The following PDE9A variants were observed in gnomAD, a reference collection of about 807,000 sequenced individuals.
The protein encoded by PDE9A is phosphodiesterase 9A.
Under a neutral mutation model 87.4 loss-of-function variants are expected in PDE9A, and 60 were observed. That is an observed-to-expected ratio of 0.69 (90% CI 0.56 to 0.85). The LOEUF (loss-of-function observed/expected upper bound fraction) is 0.85. PDE9A is among the 40% of genes least tolerant of loss of function. The probability of loss-of-function intolerance (pLI) is 0.00; values close to 1 mark genes in which losing one functional copy is unlikely to be tolerated. For synonymous variants in PDE9A, 272 were observed against 279.4 expected (o/e 0.97, Z 0.27); for missense variants, 665 against 779.0 (o/e 0.85, Z 1.74).
At chr21:42,662,462 GCACACACCCACCA>G (rs2057578061) in intron 1 of PDE9A, among the ~76,000 whole-genome samples, 1 of 150,226 alleles carries the variant, frequency 6.7e-6, no homozygotes, top group African/African-American at 2.5e-5. Flanking sequence ...ACATATACAC[GCACACACCCACCA>G]CACACACACA....
chr21:42,678,434 G>A (rs900085044), intron 1 of PDE9A, among the ~76,000 whole-genome samples: 6 of 152,140 alleles, frequency 3.9e-5, no homozygotes, highest in African/African-American at 7.2e-5. Context: ...TGGCTCCTCC[G>A]CAGCCTCAAT....
At position 42,759,239 on chromosome 21, in the gene PDE9A, T is replaced by A. The variant is rs1207346560; in HGVS notation, c.897+154T>A. ...TTCCCCGGGAGTTCTGTGAGGACAC[T>A]CAGCCTGTCTCTGTTCCTCCTTCCA... is the stretch of plus-strand genomic sequence containing the variant. On this transcript the variant is annotated intron_variant, in intron 11 of 19. Transcript: ENST00000291539. The surrounding 1 kb of genome is among the most constrained non-coding windows in gnomAD (Gnocchi z 7.2). 6.6e-6 allele frequency among the ~76,000 whole-genome samples: 1 copy of A among 152,178 alleles called. No homozygotes were observed. The highest frequency in any genetic ancestry group is 1.5e-5 in the Non-Finnish European group (1 of 68,042).
chr21:42,735,869 G>C (rs534662974), intron 7 of PDE9A, among the ~76,000 whole-genome samples: 12 of 152,286 alleles, frequency 7.9e-5, no homozygotes, highest in African/African-American at 2.9e-4. Flanking sequence ...GCGAGTGTTT[G>C]CATTTCCATA....
At chr21:42,684,342 G>A (rs1407395615) in intron 1 of PDE9A, among the ~76,000 whole-genome samples, 1 of 152,196 alleles carries the variant, frequency 6.6e-6, no homozygotes, top group Non-Finnish European at 1.5e-5. Flanking sequence ...AGTTACACAG[G>A]GGCCCACATG....
chr21:42,768,523 C>A (rs35165997), intron 16 of PDE9A: 78,329 of 1,298,654 alleles, frequency 0.06, 2,681 homozygotes, highest in South Asian at 0.11. Flanking sequence ...AAACTGTCAC[C>A]TGTCACTGCT....
chr21:42,772,465 G>A lies in PDE9A; in HGVS notation c.1713G>A (p.Thr571=), dbSNP rs781366479. Residue 571 remains threonine (T), a synonymous_variant, in exon 19 of 20, where the codon ACG becomes ACA. Coordinates refer to ENST00000291539, the MANE Select transcript of PDE9A (RefSeq NM_002606.3). The part of the protein sequence containing the change: ...KELQKKTDSL[T]SGATEKSRER... Reference sequence around the variant, plus strand: ...TACAGAAGAAGACTGACAGCTTGACGTCTGGGGCCACCGAGAAGTCCAGAG... The same window carrying A: ...TACAGAAGAAGACTGACAGCTTGACATCTGGGGCCACCGAGAAGTCCAGAG... 27 of 1,606,796 alleles carry A rather than the reference G, an allele frequency of 1.7e-5. No homozygotes were observed. The highest frequency in any genetic ancestry group is 1.1e-4 in the African/African-American group (8 of 73,592).
At chr21:42,661,319 A>G (rs939134627) in intron 1 of PDE9A, among the ~76,000 whole-genome samples, 23 of 148,002 alleles carry the variant, frequency 1.6e-4, no homozygotes, top group Non-Finnish European at 3.1e-4. Context: ...GTGAGCCACC[A>G]CGCCCAGCCT....
intron 1 of PDE9A, among the ~76,000 whole-genome samples, chr21:42,661,510 T>G (rs73905721): frequency 0.04 from 6,087 of 150,842 alleles, 419 homozygotes; most frequent in African/African-American, 0.14. Context: ...GTGCCTGGCC[T>G]CCTTCACTCG....
At chr21:42,701,620 A>G (rs997246605) in intron 4 of PDE9A, among the ~76,000 whole-genome samples, 3 of 151,846 alleles carry the variant, frequency 2.0e-5, no homozygotes, top group Non-Finnish European at 2.9e-5. Flanking sequence ...AAGTTTTTAT[A>G]GGGACAAGGT....
At chr21:42,749,211 T>C (rs975105802) in intron 8 of PDE9A, among the ~76,000 whole-genome samples, 1 of 152,184 alleles carries the variant, frequency 6.6e-6, no homozygotes, top group African/African-American at 2.4e-5. Context: ...TACTGGGCAG[T>C]ATTAACTTGC....
chr21:42,724,437 A>G (rs2050830408), intron 4 of PDE9A: 1 of 175,436 alleles, frequency 5.7e-6, no homozygotes, highest in Non-Finnish European at 1.1e-5. Flanking sequence ...CACAGCAGGA[A>G]TTCCAATGAT....
At position 42,698,950 on chromosome 21, in the gene PDE9A, C is replaced by CTGTCT; in HGVS notation, c.219-16_219-12dup. 2.5e-6 allele frequency: 4 copies of CTGTCT among 1,607,290 alleles called. No individual in the cohort carries two copies. The highest frequency in any genetic ancestry group is 3.4e-6 in the Non-Finnish European group (4 of 1,174,106). ...CGCCTTGCAGAGTCTCACAGCGGCA[C>CTGTCT]TGTCTTCTCTTTTGCAGCACTCCGT... is the stretch of plus-strand genomic sequence containing the variant. On this transcript the variant is annotated splice_polypyrimidine_tract_variant and intron_variant, in intron 3 of 19. Coordinates refer to ENST00000291539, the MANE Select transcript of PDE9A (RefSeq NM_002606.3).
At chr21:42,726,720 CA>C (rs1306419566) in intron 4 of PDE9A, among the ~76,000 whole-genome samples, 4 of 146,358 alleles carry the variant, frequency 2.7e-5, no homozygotes, top group Non-Finnish European at 6.0e-5. Context: ...CTCGACCTCC[CA>C]AAGTGCTGGG....
At chr21:42,773,708 G>A (rs2057241949) in intron 19 of PDE9A, among the ~76,000 whole-genome samples, 10 of 151,870 alleles carry the variant, frequency 6.6e-5, no homozygotes, top group Admixed American at 6.6e-4. Context: ...GGCTGAGGCA[G>A]GAGAATGGAG....
intron 4 of PDE9A, among the ~76,000 whole-genome samples, chr21:42,720,862 C>T (rs769849941): frequency 1.3e-5 from 2 of 151,376 alleles, no homozygotes; most frequent in Non-Finnish European, 2.9e-5. Context: ...AAAATTAGCC[C>T]GGCGTGGTGG....
chr21:42,674,038 A>C (rs1475015803), intron 1 of PDE9A, among the ~76,000 whole-genome samples: 1 of 152,256 alleles, frequency 6.6e-6, no homozygotes, highest in Non-Finnish European at 1.5e-5. Flanking sequence ...AGATGTACAT[A>C]TAGAAACGAA....
chr21:42,691,593 C>T (rs2146245492), intron 3 of PDE9A, among the ~76,000 whole-genome samples: 1 of 151,924 alleles, frequency 6.6e-6, no homozygotes, highest in African/African-American at 2.4e-5. Context: ...AGACACATCA[C>T]CATCACCATC....
rs920847829 is a variant in PDE9A at position 42,704,318 on chromosome 21, A to C, written c.262+5307A>C. ...ATAGTCACATCCTGGCTGGGCTAAC[A>C]CCACCTTTCCCCGCCTCTGGGTGCG... On this transcript the variant is annotated intron_variant, in intron 4 of 19. Transcript: ENST00000291539. The surrounding 1 kb of genome is among the most constrained non-coding windows in gnomAD (Gnocchi z 5.3). Among the ~76,000 whole-genome samples the C allele has an allele frequency of 1.3e-5, 2 of 151,778 alleles. No homozygotes were observed. Among genetic ancestry groups the C allele is most frequent in the Non-Finnish European group, 2.9e-5 (2 of 67,918 alleles).
chr21:42,749,802 G>T (rs2054231652), intron 8 of PDE9A, among the ~76,000 whole-genome samples: 1 of 152,264 alleles, frequency 6.6e-6, no homozygotes, highest in Non-Finnish European at 1.5e-5. Context: ...TGACAAAGCA[G>T]GTTGCAGCAG....
Sources: gnomAD v4.1 joint callset for allele counts (sites outside exome capture counted in the v4.1 genomes callset) on GRCh38, gnomAD v4.1.1 for gene constraint, Gnocchi (gnomAD v3.1) non-coding constraint, MANE v1.5 for transcripts, NCBI Gene and HGNC (gene_info 2026-07-23, HGNC 2026-07-21) for gene names.